C3: variants seen among roughly 807,000 people sequenced by gnomAD.
C3 encodes the protein C3 and PZP-like alpha-2-macroglobulin domain-containing protein 1.
C3 carries 97 observed loss-of-function variants against 207.9 expected under a neutral mutation model. The ratio of observed to expected loss-of-function variants is 0.47; its 90% CI spans 0.40 to 0.55. The LOEUF is 0.55. Ranked by LOEUF, C3 falls within the 20% of genes least tolerant of loss-of-function variation. The probability of loss-of-function intolerance (pLI) is 0.00; values close to 1 mark genes in which losing one functional copy is unlikely to be tolerated. For synonymous variants in C3, 848 were observed against 857.6 expected (o/e 0.99, Z 0.20); for missense variants, 1,684 against 2,171.7 (o/e 0.78, Z 4.46).
rs1427443868 is a variant in C3, at chr19:6,700,412, T to TGTAA, written c.2440+1714_2440+1715insTTAC. Among the ~76,000 whole-genome samples, 2 of 45,612 alleles carry TGTAA rather than the reference T, an allele frequency of 4.4e-5. 1 individual carries two copies. The highest frequency in any genetic ancestry group is 4.2e-4 in the African/African-American group (2 of 4,780). The allele number at this position is 45,612 out of a possible 152,430, so 29.9% of individuals were successfully genotyped here. ...TATGATATATATGTAATATGATATA[T>TGTAA]TATATATGTAATATATGATATATGT... On this transcript the variant is annotated intron_variant, in intron 19 of 40. Transcript: ENST00000245907.
intron 14 of C3, 69 bp downstream of exon 14, chr19:6,709,615 A>ACC: frequency 2.5e-6 from 1 of 403,574 alleles, no homozygotes. Context: ...CTCCAGTCCC[A>ACC]CCCACCTCCC....
rs1344751717 is a variant in C3, at chr19:6,697,061, T to TAAAAAAAAAAAAAA, written c.2796+282_2796+283insTTTTTTTTTTTTTT. Among the ~76,000 whole-genome samples, 13 of 76,590 alleles carry TAAAAAAAAAAAAAA rather than the reference T, an allele frequency of 1.7e-4. No homozygotes were observed. In the Admixed American group the frequency reaches 2.1e-3, roughly 12 times the overall value. The allele number at this position is 76,590 out of a possible 152,430, so 50.2% of individuals were successfully genotyped here. On this transcript the variant is annotated intron_variant, in intron 21 of 40. Transcript: ENST00000245907. The stretch of plus-strand genomic sequence containing the variant: ...TGTCTCAAAAAAATAAACAAACAAA[T>TAAAAAAAAAAAAAA]AAATAAATAAATAAAAAATTTCAAA...
chr19:6,679,639 C>A, intron 36 of C3, 143 bp from the exon 37 acceptor site: 1 of 712,316 alleles, frequency 1.4e-6, no homozygotes, highest in Non-Finnish European at 2.6e-6. Context: ...GACCCCAAGA[C>A]CCCCTCTACT....
rs2230209 is a variant in C3 at position 6,686,181 on chromosome 19, G to T, written c.3753C>A (p.Pro1251=). 6,298 of 1,614,152 alleles carry T rather than the reference G, an allele frequency of 3.9e-3. 232 individuals are homozygous for T. In the African/African-American group the frequency reaches 0.076, roughly 19 times the overall value. Residue 1251 remains proline, a synonymous_variant, in exon 29 of 41, where the codon CCC becomes CCA. Transcript: ENST00000245907. ...LQLKDFDFVP[P]VVRWLNEQRY... ...TCTGTTCATTGAGCCAACGCACGAC[G>T]GGAGGCACAAAGTCAAAGTCTTTTA...
In C3 at chr19:6,707,505, G is replaced by A. The variant is rs750045294; in HGVS notation, c.2008C>T (p.Arg670Cys). 6.2e-7 allele frequency: 1 copy of A among 1,614,088 alleles called. No individual in the cohort carries two copies. Among genetic ancestry groups the A allele is most frequent in the East Asian group, 2.2e-5 (1 of 44,880 alleles). ...TTCTCCGTGAGCTGCACGGAACGGC[G>A]TCGGCGGGCGGCTGGCTGCGGGCAC... The part of the protein sequence containing the change: ...LQCPQPAARR[R>C]RSVQLTEKRM... The change falls in exon 16 of 41, where the codon CGC becomes TGC. Residue 670 changes from arginine (R) to cysteine (C), a missense_variant. This residue lies in a region of C3 where 1,280 missense variants were observed against 1,739.1 expected (regional missense o/e 0.74). Transcript: ENST00000245907.
chr19:6,707,937 G>T lies in C3; in HGVS notation c.1846-8C>A, dbSNP rs1447172727. The stretch of plus-strand genomic sequence containing the variant: ...CTCCACCACGTCCCAGATCTGCGGG[G>T]GGCATAGGGGTGGCGGGACGCAGGG... On this transcript the variant is annotated splice_region_variant and splice_polypyrimidine_tract_variant and intron_variant, in intron 14 of 40. Coordinates refer to ENST00000245907, the MANE Select transcript of C3 (RefSeq NM_000064.4). 1 of 1,613,630 alleles carries T rather than the reference G, an allele frequency of 6.2e-7. No homozygotes were observed. The highest frequency in any genetic ancestry group is 8.5e-7 in the Non-Finnish European group (1 of 1,179,982).
Position 6,697,570 on chromosome 19 carries a change from A to G in C3, c.2584-14T>C. 2 of 1,613,776 alleles carry G rather than the reference A, an allele frequency of 1.2e-6. No individual in the cohort carries two copies. The highest frequency in any genetic ancestry group is 1.7e-6 in the Non-Finnish European group (2 of 1,179,892). ...TTCCACCCTCACCTGCCAGGGAGAGAAAGGATCCGGGCAAGTGTGTGTGCA... is the reference window on the plus strand; with the variant it reads ...TTCCACCCTCACCTGCCAGGGAGAGGAAGGATCCGGGCAAGTGTGTGTGCA... On this transcript the variant is annotated splice_polypyrimidine_tract_variant and intron_variant, in intron 20 of 40. Transcript: ENST00000245907.
In C3 at chr19:6,685,079, T is replaced by G; in HGVS notation, c.3878A>C (p.Asn1293Thr). 6.2e-7 allele frequency: 1 copy of G among 1,613,956 alleles called. No homozygotes were observed. The highest frequency in any genetic ancestry group is 8.5e-7 in the Non-Finnish European group (1 of 1,179,952). The change falls in exon 30 of 41, where the codon AAC becomes ACC. Residue 1293 changes from asparagine (N) to threonine (T), a missense_variant. Around this residue, in one of 3 missense-constraint regions of C3, gnomAD observed 1,280 missense variants for 1,739.1 expected, o/e 0.74. Transcript: ENST00000245907. Reference sequence around the variant, plus strand: ...GGGCAGTTGGAGGGACACATCAAGGTTCAGTTCCTGGTGGTCAGGGGCGTC... The same window carrying G: ...GGGCAGTTGGAGGGACACATCAAGGGTCAGTTCCTGGTGGTCAGGGGCGTC... Reference protein sequence around the residue: ...QKDAPDHQELNLDVSLQLPSR... With the variant: ...QKDAPDHQELTLDVSLQLPSR...
rs565585097 is a variant in C3, at chr19:6,718,985, G to T, written c.267+226C>A. ...AGGGGAGGAGATTCAGAAGGGGTGG[G>T]GGGGGGTCTCAGAAAAGGGAGGGGC... is the stretch of plus-strand genomic sequence containing the variant. On this transcript the variant is annotated intron_variant, in intron 2 of 40. Transcript: ENST00000245907. Among the ~76,000 whole-genome samples, 36 of 123,230 alleles carry T rather than the reference G, an allele frequency of 2.9e-4. 4 individuals are homozygous for T. The South Asian group carries it at 0.012, about 39-fold the overall frequency. The allele number at this position is 123,230 out of a possible 152,430, so 80.8% of individuals were successfully genotyped here.
rs1435625463 is a variant in C3 at position 6,684,812 on chromosome 19, G to A, written c.3992C>T (p.Thr1331Ile). 1.2e-6 allele frequency: 2 copies of A among 1,614,196 alleles called. No homozygotes were observed. Among genetic ancestry groups the A allele is most frequent in the Non-Finnish European group, 8.5e-7 (1 of 1,180,010 alleles). Residue 1331 changes from threonine (T) to isoleucine (I), a missense_variant, in exon 31 of 41, where the codon ACA (threonine) becomes ATA (isoleucine). Physicochemically the swap from Thr to Ile is moderately conservative, Grantham distance 89. Coordinates refer to ENST00000245907, the MANE Select transcript of C3 (RefSeq NM_000064.4). ...SEETKENEGF[T>I]VTAEGKGQGT... is the part of the protein sequence containing the mutation. ...TTGGCCTTTTCCTTCAGCTGTGACT[G>A]TGAAACCCTCATTTTCCTTGGTCTG...
chr19:6,697,458 C>A lies in C3; in HGVS notation c.2682G>T (p.Leu894Phe). 1.2e-6 allele frequency: 2 copies of A among 1,613,880 alleles called. No homozygotes were observed. The highest frequency in any genetic ancestry group is 1.7e-6 in the Non-Finnish European group (2 of 1,179,996). ...QTVTIPPKSS[L>F]SVPYVIVPLK... The stretch of plus-strand genomic sequence containing the variant: ...GCGGCACGATGACATATGGAACGGA[C>A]AACGAGGACTTGGGGGGGATGGTTA... The change falls in exon 21 of 41, where the codon TTG becomes TTT. Residue 894 changes from leucine (L) to phenylalanine (F), a missense_variant. Coordinates refer to ENST00000245907, the MANE Select transcript of C3 (RefSeq NM_000064.4).
chr19:6,706,397 C>T (rs1967774371), intron 17 of C3, among the ~76,000 whole-genome samples: 1 of 152,200 alleles, frequency 6.6e-6, no homozygotes, highest in Non-Finnish European at 1.5e-5. Flanking sequence ...CTCCTGGCTC[C>T]TCATCTGAAG....
intron 17 of C3, chr19:6,702,848 A>T: frequency 2.6e-6 from 1 of 390,352 alleles, no homozygotes; most frequent in South Asian, 2.1e-5. Flanking sequence ...AGCCTGGACA[A>T]CATGGTGAAA....
Position 6,715,619 on chromosome 19 carries a change from G to GTTTTTTT in C3, c.505-1180_505-1174dup, listed in dbSNP as rs375022094. Among the ~76,000 whole-genome samples the GTTTTTTT allele has an allele frequency of 7.0e-5, 5 of 71,308 alleles. 1 individual carries two copies. Among genetic ancestry groups the GTTTTTTT allele is most frequent in the Non-Finnish European group, 1.2e-4 (4 of 33,450 alleles). 46.8% of individuals were successfully genotyped at this position (71,308 alleles called of 152,430 possible). A position where few individuals can be genotyped will look rare whatever the true frequency, so the allele number is the denominator to read the frequency against. Reference sequence around the variant, plus strand: ...ACATATAAAAATCTGTTTTTTTTTTGTTTTTTTTGTTTTTTTTTTTGAGAC... The same window carrying GTTTTTTT: ...ACATATAAAAATCTGTTTTTTTTTTGTTTTTTTTTTTTTTTGTTTTTTTTTTTGAGAC... On this transcript the variant is annotated intron_variant, in intron 4 of 40. Coordinates refer to ENST00000245907, the MANE Select transcript of C3 (RefSeq NM_000064.4).
rs768662856 is a variant in C3 at position 6,684,778 on chromosome 19, C to T, written c.4026G>A (p.Leu1342=). 6 of 1,614,086 alleles carry T rather than the reference C, an allele frequency of 3.7e-6. No homozygotes were observed. The East Asian group carries it at 1.3e-4, about 36-fold the overall frequency. ...GGTGTGGGTTTCTGTTCCTTACCGA[C>T]AAGGTGCCTTGGCCTTTTCCTTCAG... ...VTAEGKGQGT[L]SVVTMYHAKA... The change falls in exon 31 of 41, where the codon TTG becomes TTA. Residue 1342 remains leucine, a synonymous_variant. Coordinates refer to ENST00000245907, the MANE Select transcript of C3 (RefSeq NM_000064.4).
chr19:6,678,577 CCAGT>C, intron 38 of C3, 122 bp from the exon 39 acceptor site: 2 of 757,698 alleles, frequency 2.6e-6, no homozygotes, highest in South Asian at 3.1e-5. Context: ...AGAATCACAG[CCAGT>C]CACACTATGG....
chr19:6,700,369 T>C lies in C3; in HGVS notation c.2440+1758A>G, dbSNP rs1370755961. Among the ~76,000 whole-genome samples, 3 of 92,228 alleles carry C rather than the reference T, an allele frequency of 3.3e-5. 1 individual carries two copies. The highest frequency in any genetic ancestry group is 5.6e-5 in the Non-Finnish European group (3 of 53,414). 60.5% of individuals were successfully genotyped at this position (92,228 alleles called of 152,430 possible). A position where few individuals can be genotyped will look rare whatever the true frequency, so the allele number is the denominator to read the frequency against. On this transcript the variant is annotated intron_variant, in intron 19 of 40. Coordinates refer to ENST00000245907, the MANE Select transcript of C3 (RefSeq NM_000064.4). ...AATATATGATATATATGTAATATGA[T>C]ATATTATATATGTAATATATGATAT...
chr19:6,696,545 C>G, intron 22 of C3, 48 bp downstream of exon 22: 1 of 1,604,330 alleles, frequency 6.2e-7, no homozygotes. Context: ...GTCATTTACC[C>G]CCCTTACCCT....
rs1274066829 is a variant in C3, at chr19:6,712,691, T to C, written c.1004-68A>G. On this transcript the variant is annotated intron_variant, in intron 9 of 40. Transcript: ENST00000245907. ...CAGGATTAGACCTCCTCCCTCAGAATGGACCCCAACTTCAGACTAGACCTC... is the reference window on the plus strand; with the variant it reads ...CAGGATTAGACCTCCTCCCTCAGAACGGACCCCAACTTCAGACTAGACCTC... 9.9e-6 allele frequency: 13 copies of C among 1,316,810 alleles called. No individual in the cohort carries two copies. The East Asian group carries it at 3.0e-4, about 30-fold the overall frequency. 81.6% of individuals were successfully genotyped at this position (1,316,810 alleles called of 1,614,324 possible).
Sources: gnomAD v4.1 joint callset for allele counts (sites outside exome capture counted in the v4.1 genomes callset) on GRCh38, gnomAD v4.1.1 for gene constraint, gnomAD v4.1.1 regional missense constraint, MANE v1.5 for transcripts, NCBI Gene and HGNC (gene_info 2026-07-23, HGNC 2026-07-21) for gene names.